The following EPAS1 variants were observed in gnomAD, a reference collection of about 807,000 sequenced individuals.
EPAS1 encodes endothelial PAS domain-containing protein 1.
In EPAS1, 23 loss-of-function variants were observed where a neutral mutation model predicts 87.9. The ratio of observed to expected loss-of-function variants is 0.26; its 90% CI spans 0.19 to 0.37. EPAS1 has a LOEUF of 0.37. Ranked by LOEUF, EPAS1 falls within the 10% of genes least tolerant of loss-of-function variation. The pLI is 1.00. For synonymous variants in EPAS1, 508 were observed against 444.3 expected, an observed-to-expected ratio of 1.14 and a Z score of -1.80; for missense variants, 1,138 against 1,120.7, an observed-to-expected ratio of 1.02 and a Z score of -0.22.
At chr2:46,316,806 T>C (rs968811246) in intron 1 of EPAS1, among the ~76,000 whole-genome samples, 1 of 152,234 alleles carries the variant, frequency 6.6e-6, no homozygotes, top group African/African-American at 2.4e-5. Flanking sequence ...CTCTGCAGCA[T>C]GTGATACTGT....
chr2:46,332,217 G>GGA (rs1350580853), intron 1 of EPAS1, among the ~76,000 whole-genome samples: 1 of 151,446 alleles, frequency 6.6e-6, no homozygotes, highest in East Asian at 1.9e-4. Context: ...GAATGGTCCA[G>GGA]GAGTTTCAGT....
intron 1 of EPAS1, among the ~76,000 whole-genome samples, chr2:46,301,639 C>G (rs1683002235): frequency 6.6e-6 from 1 of 150,904 alleles, no homozygotes; most frequent in South Asian, 2.1e-4. Context: ...TATGTATTTT[C>G]CTATTGTTCA....
intron 1 of EPAS1, among the ~76,000 whole-genome samples, chr2:46,299,127 G>A (rs1223275332): frequency 6.6e-6 from 1 of 152,262 alleles, no homozygotes; most frequent in Non-Finnish European, 1.5e-5. Context: ...GCTCACTGCC[G>A]AGGTTGATTT....
rs576728874 is a variant in EPAS1 at position 46,299,513 on chromosome 2, A to G, written c.26+1576A>G. Among the ~76,000 whole-genome samples the G allele has an allele frequency of 2.6e-5, 4 of 152,360 alleles. No homozygotes were observed. The East Asian group carries it at 7.7e-4, about 29-fold the overall frequency. ...ATTCCAGTGCGTTTTGTAAAAACCA[A>G]TCATAATGCTAATAATGACTGAACC... On this transcript the variant is annotated intron_variant, in intron 1 of 15. Transcript: ENST00000263734.
At chr2:46,313,355 C>T (rs186016554) in intron 1 of EPAS1, among the ~76,000 whole-genome samples, 60 of 152,192 alleles carry the variant, frequency 3.9e-4, no homozygotes, top group African/African-American at 1.4e-3. Flanking sequence ...TATCACCTCC[C>T]TAGGGAAGCA....
intron 7 of EPAS1, among the ~76,000 whole-genome samples, chr2:46,372,099 AC>A (rs1558607238): frequency 6.6e-6 from 1 of 152,210 alleles, no homozygotes; most frequent in African/African-American, 2.4e-5. Context: ...CCGTGTATTT[AC>A]TTATTAGGCA....
chr2:46,355,988 C>T, intron 2 of EPAS1, 163 bp from the exon 3 acceptor site: 1 of 752,286 alleles, frequency 1.3e-6, no homozygotes, highest in Non-Finnish European at 2.3e-6. Flanking sequence ...GCAGTGGTGC[C>T]TGCTGCCAGG....
rs573977869 is a variant in EPAS1 at position 46,366,491 on chromosome 2, GCTGA to G, written c.780-3333_780-3330del. ...TTCATCCTTCCTCTGCCTCCTTGTGGCTGACTATCTATCTGCATCTCTCTCCTCA... is the reference window on the plus strand; with the variant it reads ...TTCATCCTTCCTCTGCCTCCTTGTGGCTATCTATCTGCATCTCTCTCCTCA... On this transcript the variant is annotated intron_variant, in intron 6 of 15. Coordinates refer to ENST00000263734, the MANE Select transcript of EPAS1 (RefSeq NM_001430.5). Among the ~76,000 whole-genome samples the G allele has an allele frequency of 5.9e-4, 89 of 152,110 alleles. 1 individual carries two copies. In the South Asian group the frequency reaches 8.1e-3, roughly 14 times the overall value.
chr2:46,332,328 G>GTATA (rs1189089866), intron 1 of EPAS1, among the ~76,000 whole-genome samples: 4 of 139,062 alleles, frequency 2.9e-5, no homozygotes, highest in African/African-American at 9.1e-5. Flanking sequence ...GTGTGTGTGT[G>GTATA]TGTGTATCAA....
In EPAS1 at chr2:46,361,076, C is replaced by G; in HGVS notation, c.765C>G (p.Thr255=). 1 of 1,614,128 alleles carries G rather than the reference C, an allele frequency of 6.2e-7. No individual in the cohort carries two copies. The highest frequency in any genetic ancestry group is 8.5e-7 in the Non-Finnish European group (1 of 1,180,016). ...GCCACAGCATGGACATGAAGTTCACCTACTGTGATGACAGGTAGGGGGCCA... is the reference window on the plus strand; with the variant it reads ...GCCACAGCATGGACATGAAGTTCACGTACTGTGATGACAGGTAGGGGGCCA... ...LSRHSMDMKF[T]YCDDRITELI... Residue 255 remains threonine (T), a synonymous_variant, in exon 6 of 16, where the codon ACC becomes ACG. Coordinates refer to ENST00000263734, the MANE Select transcript of EPAS1 (RefSeq NM_001430.5).
intron 2 of EPAS1, among the ~76,000 whole-genome samples, chr2:46,355,686 A>C (rs1333268128): frequency 6.6e-6 from 1 of 152,362 alleles, no homozygotes; most frequent in Non-Finnish European, 1.5e-5. Context: ...AGATTTTCAT[A>C]AGTAAATGTC....
Position 46,297,874 on chromosome 2 carries a change from T to G in EPAS1, c.-38T>G. 1 of 1,604,398 alleles carries G rather than the reference T, an allele frequency of 6.2e-7. No homozygotes were observed. The highest frequency in any genetic ancestry group is 8.5e-7 in the Non-Finnish European group (1 of 1,175,666). ...CCCCCCACCCGCCAGGGAGCCCAGG[T>G]GCTCGGCGTCTGAACGTCTCAAAGG... On this transcript the variant is annotated 5_prime_UTR_variant, in exon 1 of 16. Coordinates refer to ENST00000263734, the MANE Select transcript of EPAS1 (RefSeq NM_001430.5).
chr2:46,373,884 C>A (rs1485837424), intron 7 of EPAS1, among the ~76,000 whole-genome samples: 1 of 152,190 alleles, frequency 6.6e-6, no homozygotes, highest in Non-Finnish European at 1.5e-5. Flanking sequence ...GGTGGTCTTT[C>A]AGCAAATGAC....
chr2:46,359,257 C>CAAAAAAAAAAAAAAAAAAAAAAAAAAAA (rs57351888), intron 4 of EPAS1, among the ~76,000 whole-genome samples: 2 of 25,092 alleles, frequency 8.0e-5, no homozygotes, highest in African/African-American at 2.0e-4. Context: ...GATTCTGTCT[C>CAAAAAAAAAAAAAAAAAAAAAAAAAAAA]AAAAAAAAAA....
intron 1 of EPAS1, among the ~76,000 whole-genome samples, chr2:46,298,544 C>T (rs1682932420): frequency 6.6e-6 from 1 of 152,234 alleles, no homozygotes; most frequent in African/African-American, 2.4e-5. Flanking sequence ...CGTGCCGCAC[C>T]TTGACTCTGG....
chr2:46,363,104 G>C (rs1244596018), intron 6 of EPAS1, among the ~76,000 whole-genome samples: 1 of 152,158 alleles, frequency 6.6e-6, no homozygotes, highest in Non-Finnish European at 1.5e-5. Flanking sequence ...TTATTTATCA[G>C]ATGCAGTCTT....
chr2:46,336,242 C>T (rs1683791691), intron 1 of EPAS1, among the ~76,000 whole-genome samples: 1 of 152,136 alleles, frequency 6.6e-6, no homozygotes, highest in South Asian at 2.1e-4. Context: ...TCTGCCCTAG[C>T]CCAGGTTCCA....
In EPAS1 at chr2:46,375,844, ATG is replaced by A; in HGVS notation, c.1034+10_1034+11del. The A allele has an allele frequency of 6.2e-7, 1 of 1,614,156 alleles. No individual in the cohort carries two copies. The highest frequency in any genetic ancestry group is 8.5e-7 in the Non-Finnish European group (1 of 1,180,018). ...GTGTCAACTACGTCCTGAGGTAAGC[ATG>A]TGAGGGCTGGCGGGCCTTGGTGCAG... is the stretch of plus-strand genomic sequence containing the variant. On this transcript the variant is annotated splice_region_variant and intron_variant, in intron 8 of 15. Transcript: ENST00000263734. The surrounding 1 kb of genome is among the most constrained non-coding windows in gnomAD (Gnocchi z 4.1).
chr2:46,329,746 C>A (rs538225872), intron 1 of EPAS1, among the ~76,000 whole-genome samples: 4 of 151,786 alleles, frequency 2.6e-5, no homozygotes, highest in Admixed American at 1.3e-4. Flanking sequence ...CGCTTGAACC[C>A]GGGAGGCGGA....
Sources: gnomAD v4.1 joint callset for allele counts (sites outside exome capture counted in the v4.1 genomes callset) on GRCh38, gnomAD v4.1.1 for gene constraint, Gnocchi (gnomAD v3.1) non-coding constraint, MANE v1.5 for transcripts, NCBI Gene and HGNC (gene_info 2026-07-23, HGNC 2026-07-21) for gene names.